Variants in COL24A1 observed in about 807,000 individuals in gnomAD.
COL24A1 encodes collagen alpha-1(XXIV) chain.
COL24A1 carries 224 observed loss-of-function variants against 253.9 expected under a neutral mutation model. That is an observed-to-expected ratio of 0.88 (90% CI 0.79 to 0.99). The LOEUF is 0.99. COL24A1 is among the 50% of genes least tolerant of loss of function. The pLI, the probability that COL24A1 is intolerant of heterozygous loss-of-function variation, is 0.00. For synonymous variants in COL24A1, 685 were observed against 673.7 expected (o/e 1.02, Z -0.26); for missense variants, 2,131 against 2,068.5 (o/e 1.03, Z -0.59).
intron 10 of COL24A1, among the ~76,000 whole-genome samples, chr1:86,050,910 T>C (rs1049606497): frequency 1.3e-5 from 2 of 152,138 alleles, no homozygotes; most frequent in Admixed American, 6.6e-5. Flanking sequence ...ATTTTACAGA[T>C]AAAGTGTATG....
At chr1:86,051,954 GA>G (rs1474098018) in intron 10 of COL24A1, among the ~76,000 whole-genome samples, 2 of 151,990 alleles carry the variant, frequency 1.3e-5, no homozygotes, top group South Asian at 2.1e-4. Context: ...GGGGTTCATA[GA>G]AAAAGCTCAT....
chr1:86,112,955 A>C (rs1705755003), intron 4 of COL24A1, among the ~76,000 whole-genome samples: 1 of 151,150 alleles, frequency 6.6e-6, no homozygotes, highest in African/African-American at 2.4e-5. Context: ...CTAATCTGTT[A>C]CTTAAATACT....
intron 57 of COL24A1, among the ~76,000 whole-genome samples, chr1:85,743,160 A>G (rs1664837971): frequency 6.6e-6 from 1 of 152,172 alleles, no homozygotes; most frequent in Non-Finnish European, 1.5e-5. Context: ...TCAAGAGTAC[A>G]AGCTAGAGAC....
chr1:85,827,329 A>G (rs1674507002), intron 43 of COL24A1, among the ~76,000 whole-genome samples: 1 of 151,458 alleles, frequency 6.6e-6, no homozygotes. Context: ...TCAGTTTGCC[A>G]GTATTTTATT....
At chr1:86,127,480 A>T (rs1648497609) in intron 2 of COL24A1, among the ~76,000 whole-genome samples, 1 of 152,092 alleles carries the variant, frequency 6.6e-6, no homozygotes, top group Non-Finnish European at 1.5e-5. Context: ...CAATCTGACC[A>T]GGTCTCATAT....
At chr1:85,863,684 A>G (rs1020849658) in intron 37 of COL24A1, among the ~76,000 whole-genome samples, 1 of 152,292 alleles carries the variant, frequency 6.6e-6, no homozygotes, top group East Asian at 1.9e-4. Flanking sequence ...GAATCTACAA[A>G]GAACTCAAAC....
chr1:86,054,614 G>A (rs900654978), intron 10 of COL24A1, among the ~76,000 whole-genome samples: 1 of 151,948 alleles, frequency 6.6e-6, no homozygotes, highest in South Asian at 2.1e-4. Context: ...CCAGTCAGAA[G>A]AGCTATTATT....
In COL24A1 at chr1:85,938,046, C is replaced by A. The variant is rs559321649; in HGVS notation, c.2562+23203G>T. 2.0e-5 allele frequency among the ~76,000 whole-genome samples: 3 copies of A among 147,414 alleles called. 1 individual carries two copies. The South Asian group carries it at 7.3e-4, about 36-fold the overall frequency. ...TCAAGAATTTTCCAACTTGAGAGAG[C>A]ATTGGAATAGCCTGCTAAAGGTACA... On this transcript the variant is annotated intron_variant, in intron 24 of 59. Coordinates refer to ENST00000370571, the MANE Select transcript of COL24A1 (RefSeq NM_152890.7).
At chr1:86,056,825 G>A (rs919132780) in intron 10 of COL24A1, among the ~76,000 whole-genome samples, 2 of 150,626 alleles carry the variant, frequency 1.3e-5, no homozygotes, top group Non-Finnish European at 2.9e-5. Flanking sequence ...TTGCACTCCA[G>A]CCTGGGCAAC....
At chr1:85,846,317 T>C (rs1677136660) in intron 39 of COL24A1, among the ~76,000 whole-genome samples, 1 of 151,810 alleles carries the variant, frequency 6.6e-6, no homozygotes, top group Non-Finnish European at 1.5e-5. Flanking sequence ...AAGAATATTC[T>C]TATATACTTT....
intron 2 of COL24A1, among the ~76,000 whole-genome samples, chr1:86,142,759 C>T (rs534873578): frequency 2.6e-5 from 4 of 151,870 alleles, no homozygotes; most frequent in South Asian, 2.1e-4. Context: ...AAAAACATAA[C>T]GCAGGAAAAT....
chr1:85,781,999 T>C (rs1008763133), intron 51 of COL24A1, among the ~76,000 whole-genome samples: 1 of 152,220 alleles, frequency 6.6e-6, no homozygotes, highest in Admixed American at 6.5e-5. Context: ...TGAAAATAAC[T>C]AATATATTTA....
chr1:86,081,297 T>C (rs1313566879), intron 7 of COL24A1, among the ~76,000 whole-genome samples: 2 of 110,666 alleles, frequency 1.8e-5, no homozygotes, highest in East Asian at 5.3e-4. Context: ...TTTCCAAGAA[T>C]TCTTCTAATG....
intron 1 of COL24A1, among the ~76,000 whole-genome samples, chr1:86,148,043 T>C (rs1652153427): frequency 6.6e-6 from 1 of 152,162 alleles, no homozygotes; most frequent in South Asian, 2.1e-4. Context: ...GTACTGACGC[T>C]ACTGATCTGG....
At position 85,938,618 on chromosome 1, in the gene COL24A1, A is replaced by C. The variant is rs751810912; in HGVS notation, c.2562+22631T>G. On this transcript the variant is annotated intron_variant, in intron 24 of 59. Transcript: ENST00000370571. ...CCTAGGACAGCATCTCCCTAAAAGGATATGAAGAAGTAGATCCAAGCAGAA... is the reference window on the plus strand; with the variant it reads ...CCTAGGACAGCATCTCCCTAAAAGGCTATGAAGAAGTAGATCCAAGCAGAA... Among the ~76,000 whole-genome samples the C allele has an allele frequency of 2.9e-4, 42 of 145,810 alleles. 6 individuals are homozygous for C. Among genetic ancestry groups the C allele is most frequent in the Non-Finnish European group, 5.4e-4 (36 of 66,302 alleles).
chr1:86,126,099 T>G lies in COL24A1; in HGVS notation c.237A>C (p.Glu79Asp). 6.2e-7 allele frequency: 1 copy of G among 1,613,320 alleles called. No individual in the cohort carries two copies. Among genetic ancestry groups the G allele is most frequent in the Non-Finnish European group, 8.5e-7 (1 of 1,179,764 alleles). ...TPLPQGVHLT[E>D]SGVIFKNDAY... ...CATCATTTTTAAAAATGACTCCTGA[T>G]TCTGTTAAATGGACCCCCTGAGGTA... is the stretch of plus-strand genomic sequence containing the variant. The change falls in exon 3 of 60, where the codon GAA becomes GAC. Residue 79 changes from glutamate (E) to aspartate (D), a missense_variant. By Grantham distance (45) the Glu-to-Asp change is conservative. Transcript: ENST00000370571.
intron 4 of COL24A1, among the ~76,000 whole-genome samples, chr1:86,113,864 GAAA>G (rs1469756743): frequency 1.1e-5 from 1 of 91,392 alleles, no homozygotes; most frequent in African/African-American, 3.8e-5. Context: ...AAAAAAAAAA[GAAA>G]GAAAAAAATG....
At chr1:85,876,042 C>T (rs570752288) in intron 33 of COL24A1, among the ~76,000 whole-genome samples, 1 of 152,056 alleles carries the variant, frequency 6.6e-6, no homozygotes, top group Non-Finnish European at 1.5e-5. Flanking sequence ...ATCATGTAAA[C>T]CATTACTTAT....
intron 19 of COL24A1, among the ~76,000 whole-genome samples, chr1:85,991,584 G>A (rs1694279290): frequency 1.3e-5 from 2 of 152,102 alleles, no homozygotes; most frequent in East Asian, 1.9e-4. Flanking sequence ...ATAGTTTTAT[G>A]TGTCTATGTT....
Sources: gnomAD v4.1 joint callset for allele counts (sites outside exome capture counted in the v4.1 genomes callset) on GRCh38, gnomAD v4.1.1 for gene constraint, MANE v1.5 for transcripts, NCBI Gene and HGNC (gene_info 2026-07-23, HGNC 2026-07-21) for gene names.